The following NEB variants were observed in gnomAD, a reference collection of about 807,000 sequenced individuals.
NEB encodes the protein nemaline myopathy type 2.
In NEB, 512 loss-of-function variants were observed where a neutral mutation model predicts 952.2. The ratio of observed to expected loss-of-function variants is 0.54; its 90% CI spans 0.50 to 0.58. The LOEUF (loss-of-function observed/expected upper bound fraction) is 0.58, where lower values mean the gene tolerates loss of function less well. Among genes scored for constraint, NEB ranks in the 20% least tolerant of loss-of-function variants. NEB has a pLI of 0.00. For synonymous variants in NEB, 2,900 were observed against 3,149.8 expected, an observed-to-expected ratio of 0.92 and a Z score of 2.66; for missense variants, 8,428 against 9,231.1, an observed-to-expected ratio of 0.91 and a Z score of 3.56.
chr2:151,490,154 G>A (rs1574524385), intron 180 of NEB, 77 bp from the exon 181 acceptor site: 1 of 1,254,542 alleles, frequency 8.0e-7, no homozygotes, highest in East Asian at 2.3e-5. Context: ...GCAGCTGAGT[G>A]ATGTCTTTTT....
chr2:151,664,791 G>A lies in NEB; in HGVS notation c.5311C>T (p.Leu1771Phe), dbSNP rs779589042. The change falls in exon 43 of 182, where the codon CTC (leucine) becomes TTC (phenylalanine). Residue 1771 changes from leucine (L) to phenylalanine (F), a missense_variant. Leu to Phe is a conservative substitution (Grantham distance 22). Coordinates refer to ENST00000397345, the MANE Select transcript of NEB (RefSeq NM_001164508.2). ...HVMPDTPDIL[L>F]SRVNQITMSD... Reference sequence around the variant, plus strand: ...ATGGTGATTTGGTTTACTCTGGAGAGTAAAATATCCGGTGTGTCAGGCATG... The same window carrying A: ...ATGGTGATTTGGTTTACTCTGGAGAATAAAATATCCGGTGTGTCAGGCATG... 1.2e-6 allele frequency: 2 copies of A among 1,612,678 alleles called. No homozygotes were observed. The highest frequency in any genetic ancestry group is 1.7e-6 in the Non-Finnish European group (2 of 1,179,122).
intron 159 of NEB, 142 bp from the exon 160 acceptor site, chr2:151,513,835 TC>T (rs754048535): frequency 4.1e-5 from 27 of 655,310 alleles, no homozygotes; most frequent in African/African-American, 4.0e-4. Context: ...CCTTCGCTCT[TC>T]CGTGTGGTAG....
chr2:151,640,090 A>T, intron 61 of NEB, 30 bp from the exon 62 acceptor site: 1 of 1,589,608 alleles, frequency 6.3e-7, no homozygotes, highest in Non-Finnish European at 8.6e-7. Context: ...ATAAATATTT[A>T]TCTCTGTATC....
At chr2:151,723,960 G>A (rs2099783222) in intron 8 of NEB, among the ~76,000 whole-genome samples, 2 of 152,044 alleles carry the variant, frequency 1.3e-5, no homozygotes, top group South Asian at 4.2e-4. Flanking sequence ...AGACAATTTT[G>A]AGATATTACT....
chr2:151,609,733 C>A, intron 81 of NEB, 76 bp downstream of exon 81: 5 of 1,420,694 alleles, frequency 3.5e-6, no homozygotes, highest in Non-Finnish European at 4.8e-6. Context: ...AGGGGACTGT[C>A]CTCAGAGGCA....
chr2:151,514,372 C>A lies in NEB; in HGVS notation c.23073G>T (p.Met7691Ile), dbSNP rs1355743007. The A allele has an allele frequency of 1.2e-6, 2 of 1,613,766 alleles. No individual in the cohort carries two copies. The highest frequency in any genetic ancestry group is 2.7e-5 in the African/African-American group (2 of 74,916). The change falls in exon 159 of 182, where the codon ATG becomes ATT. Residue 7691 changes from methionine to isoleucine, a missense_variant. This residue lies in a region of NEB where 3,374 missense variants were observed against 3,651.5 expected (regional missense o/e 0.92). Transcript: ENST00000397345. ...CTCTTAGCATGTCAGGTGTATCTTC[C>A]ATTTCAGTGAGGCCCTTCCCACGGA... ...ESIRGKGLTE[M>I]EDTPDMLRAK...
At chr2:151,628,903 A>AAAGAAGAAG (rs34182658) in intron 68 of NEB, among the ~76,000 whole-genome samples, 18 of 150,706 alleles carry the variant, frequency 1.2e-4, no homozygotes, top group African/African-American at 3.7e-4. Context: ...AAACAAAAGA[A>AAAGAAGAAG]AAGAAGAAGA....
intron 44 of NEB, among the ~76,000 whole-genome samples, chr2:151,664,074 A>G (rs562634452): frequency 1.3e-5 from 2 of 152,224 alleles, no homozygotes; most frequent in African/African-American, 4.8e-5. Context: ...TCTCAGAGTT[A>G]ATCGAAGAGA....
chr2:151,502,564 C>T (rs1412061824), intron 167 of NEB, among the ~76,000 whole-genome samples: 1 of 151,962 alleles, frequency 6.6e-6, no homozygotes, highest in Non-Finnish European at 1.5e-5. Context: ...AGGAAGAAAA[C>T]AGAGTATTAC....
chr2:151,485,900 C>T lies in NEB; in HGVS notation c.25438G>A (p.Ala8480Thr). ...IFRAMYDYMA[A>T]DADEVSFKDG... ...TTGAAGGACACCTCATCTGCATCAG[C>T]AGCCATATAGTCATACATGGCACGG... The change falls in exon 182 of 182, where the codon GCT becomes ACT. Residue 8480 changes from alanine (A) to threonine (T), a missense_variant. Ala to Thr is a moderately conservative substitution (Grantham distance 58). This residue lies in a region of NEB where 3,374 missense variants were observed against 3,651.5 expected (regional missense o/e 0.92). Coordinates refer to ENST00000397345, the MANE Select transcript of NEB (RefSeq NM_001164508.2). 1 of 1,613,960 alleles carries T rather than the reference C, an allele frequency of 6.2e-7. No homozygotes were observed. Among genetic ancestry groups the T allele is most frequent in the Non-Finnish European group, 8.5e-7 (1 of 1,179,856 alleles).
chr2:151,677,416 C>T, intron 34 of NEB, 149 bp downstream of exon 34: 2 of 592,608 alleles, frequency 3.4e-6, no homozygotes, highest in Admixed American at 3.7e-5. Context: ...GCCCAAACTA[C>T]ACATAACTGT....
At chr2:151,718,086 C>T (rs2099764485) in intron 9 of NEB, among the ~76,000 whole-genome samples, 1 of 152,148 alleles carries the variant, frequency 6.6e-6, no homozygotes. Context: ...ATCTCCTGAC[C>T]TCATGGTCTG....
chr2:151,504,099 C>T (rs1050965167), intron 165 of NEB, among the ~76,000 whole-genome samples: 1 of 152,144 alleles, frequency 6.6e-6, no homozygotes, highest in Non-Finnish European at 1.5e-5. Flanking sequence ...CATTAAGGAA[C>T]CTCCACTCTC....
At chr2:151,729,561 G>A in intron 4 of NEB, 54 bp downstream of exon 4, 1 of 1,586,404 alleles carries the variant, frequency 6.3e-7, no homozygotes, top group Non-Finnish European at 8.6e-7. Context: ...AAAGGAGAAA[G>A]CTCTTCCTGC....
chr2:151,674,442 CA>C, intron 36 of NEB, 34 bp downstream of exon 36: 3 of 1,530,696 alleles, frequency 2.0e-6, no homozygotes, highest in Non-Finnish European at 2.7e-6. Context: ...TTCAAAAAGG[CA>C]AACACCTAAA....
In NEB at chr2:151,511,392, C is replaced by T. The variant is rs139794371; in HGVS notation, c.23346+1341G>A. On this transcript the variant is annotated intron_variant, in intron 161 of 181. Transcript: ENST00000397345. ...TCATGTGTAATTTTACAATATACAACTATATGTTTCCAGTAAAGGGTTGAA... is the reference window on the plus strand; with the variant it reads ...TCATGTGTAATTTTACAATATACAATTATATGTTTCCAGTAAAGGGTTGAA... Among the ~76,000 whole-genome samples, 370 of 152,314 alleles carry T rather than the reference C, an allele frequency of 2.4e-3. 9 individuals are homozygous for T. In the East Asian group the frequency reaches 0.046, roughly 19 times the overall value.
Position 151,614,345 on chromosome 2 carries a change from A to G in NEB, c.11532T>C (p.His3844=). Residue 3844 remains histidine (H), a synonymous_variant, in exon 77 of 182, where the codon CAT becomes CAC. Transcript: ENST00000397345. The stretch of plus-strand genomic sequence containing the variant: ...TCTGATCAGGCAGGCAGGTCCATTC[A>G]TGCAGGGGATGCTTGTAGTCTATGT... ...VSDIDYKHPL[H]EWTCLPDQND... is the part of the protein sequence containing the mutation. 1 of 1,613,958 alleles carries G rather than the reference A, an allele frequency of 6.2e-7. No individual in the cohort carries two copies. The highest frequency in any genetic ancestry group is 8.5e-7 in the Non-Finnish European group (1 of 1,179,854).
intron 1 of NEB, among the ~76,000 whole-genome samples, chr2:151,734,111 T>C (rs80067206): frequency 0.016 from 2,497 of 152,318 alleles, 28 homozygotes; most frequent in Middle Eastern, 0.031. Context: ...ATCTTCTTTT[T>C]CACACTAATA....
chr2:151,502,067 A>G (rs1163820003), intron 167 of NEB, among the ~76,000 whole-genome samples: 1 of 152,222 alleles, frequency 6.6e-6, no homozygotes, highest in East Asian at 1.9e-4. Flanking sequence ...GCTGCAAACC[A>G]GTGACCTCTA....
Sources: gnomAD v4.1 joint callset for allele counts (sites outside exome capture counted in the v4.1 genomes callset) on GRCh38, gnomAD v4.1.1 for gene constraint, gnomAD v4.1.1 regional missense constraint, MANE v1.5 for transcripts, NCBI Gene and HGNC (gene_info 2026-07-23, HGNC 2026-07-21) for gene names.